COL19A1: variants seen among roughly 807,000 people sequenced by gnomAD.
The protein encoded by COL19A1 is collagen alpha-1(XIX) chain.
A neutral mutation model predicts 190.2 loss-of-function variants in COL19A1; 159 were observed. The observed-to-expected ratio is 0.84, with a 90% CI of 0.73 to 0.95. The LOEUF (loss-of-function observed/expected upper bound fraction) is 0.95, where lower values mean the gene tolerates loss of function less well. Among genes scored for constraint, COL19A1 ranks in the 40% least tolerant of loss-of-function variants. The pLI is 0.00. For missense variants in COL19A1, 1,418 were observed against 1,431.9 expected (o/e 0.99, Z 0.16); for synonymous variants, 509 against 458.9 (o/e 1.11, Z -1.39).
At chr6:69,885,632 C>T (rs892597606) in intron 2 of COL19A1, among the ~76,000 whole-genome samples, 2 of 152,158 alleles carry the variant, frequency 1.3e-5, no homozygotes, top group Admixed American at 1.3e-4. Flanking sequence ...TCTCCATTTC[C>T]TCCCTACCTC....
chr6:70,056,820 A>G (rs935555114), intron 14 of COL19A1, among the ~76,000 whole-genome samples: 1 of 152,122 alleles, frequency 6.6e-6, no homozygotes, highest in African/African-American at 2.4e-5. Context: ...TCTCCTCTTA[A>G]ACGTTTGATT....
Position 70,055,712 on chromosome 6 carries a change from G to T in COL19A1, c.1171-12711G>T, listed in dbSNP as rs140035489. 8.8e-4 allele frequency among the ~76,000 whole-genome samples: 132 copies of T among 150,584 alleles called. 1 individual carries two copies. Among genetic ancestry groups the T allele is most frequent in the African/African-American group, 3.1e-3 (128 of 40,812 alleles). On this transcript the variant is annotated intron_variant, in intron 14 of 50. Transcript: ENST00000620364. ...CAGGAGAATCACTTGAACTTGGGAG[G>T]CAGAAGTTGCACTGAGCCAAGATCG...
chr6:69,879,546 G>A lies in COL19A1; in HGVS notation c.-22G>A, dbSNP rs557419481. On this transcript the variant is annotated 5_prime_UTR_variant, in exon 2 of 51. Transcript: ENST00000620364. The stretch of plus-strand genomic sequence containing the variant: ...TTTTTTCTGTTGCAGATCCGTGGCC[G>A]TTCACATGGTTTCAAGGCACAATGA... 88 of 1,605,520 alleles carry A rather than the reference G, an allele frequency of 5.5e-5. 1 individual carries two copies. The South Asian group carries it at 6.7e-4, about 12-fold the overall frequency.
In COL19A1 at chr6:69,986,127, G is replaced by A. The variant is rs962637827; in HGVS notation, c.1026+23257G>A. ...AGTCAGGAAGAAAGCAAATTTTGCC[G>A]CTAATTACATTGTTTTTAGTTTCAA... is the stretch of plus-strand genomic sequence containing the variant. On this transcript the variant is annotated intron_variant, in intron 11 of 50. Transcript: ENST00000620364. Among the ~76,000 whole-genome samples, 7 of 151,160 alleles carry A rather than the reference G, an allele frequency of 4.6e-5. No individual in the cohort carries two copies. The East Asian group carries it at 5.8e-4, about 13-fold the overall frequency.
intron 15 of COL19A1, among the ~76,000 whole-genome samples, chr6:70,088,033 C>T (rs151166842): frequency 0.01 from 1,540 of 152,236 alleles, 10 homozygotes; most frequent in Non-Finnish European, 0.015. Context: ...CCACCTTCTA[C>T]GTGCCCCTAG....
chr6:70,206,229 C>A (rs2150311979), intron 49 of COL19A1, among the ~76,000 whole-genome samples: 1 of 152,348 alleles, frequency 6.6e-6, no homozygotes, highest in Middle Eastern at 3.4e-3. Context: ...ACCTTGCCTT[C>A]AATCAGAATT....
rs371113190 is a variant in COL19A1, at chr6:69,998,103, C to A, written c.1027-25524C>A. 3.7e-4 allele frequency among the ~76,000 whole-genome samples: 56 copies of A among 152,148 alleles called. No individual in the cohort carries two copies. The East Asian group carries it at 7.7e-3, about 21-fold the overall frequency. ...GCAAAAATAAAAAAGAGATTGTCAACTATGAATTCTGTCTTCAATGAAACT... is the reference window on the plus strand; with the variant it reads ...GCAAAAATAAAAAAGAGATTGTCAAATATGAATTCTGTCTTCAATGAAACT... On this transcript the variant is annotated intron_variant, in intron 11 of 50. Coordinates refer to ENST00000620364, the MANE Select transcript of COL19A1 (RefSeq NM_001858.6).
chr6:70,020,225 G>T lies in COL19A1; in HGVS notation c.1027-3402G>T, dbSNP rs545861967. On this transcript the variant is annotated intron_variant, in intron 11 of 50. Coordinates refer to ENST00000620364, the MANE Select transcript of COL19A1 (RefSeq NM_001858.6). Reference sequence around the variant, plus strand: ...TTGCAACGCAACACAAAATATCTTTGCATATTGATGTTAACTATTAAACCA... The same window carrying T: ...TTGCAACGCAACACAAAATATCTTTTCATATTGATGTTAACTATTAAACCA... Among the ~76,000 whole-genome samples the T allele has an allele frequency of 1.1e-4, 16 of 152,038 alleles. No homozygotes were observed. The South Asian group carries it at 3.3e-3, about 31-fold the overall frequency.
chr6:70,103,441 A>G (rs1013971407), intron 16 of COL19A1, among the ~76,000 whole-genome samples: 28 of 152,266 alleles, frequency 1.8e-4, no homozygotes, highest in African/African-American at 6.7e-4. Context: ...CTAAAAGCTT[A>G]AAACTATTTG....
chr6:70,176,371 C>A, intron 41 of COL19A1, 149 bp from the exon 42 acceptor site: 1 of 603,998 alleles, frequency 1.7e-6, no homozygotes, highest in Non-Finnish European at 2.6e-6. Flanking sequence ...TTTCCATCTA[C>A]ACACTAGCTT....
intron 16 of COL19A1, among the ~76,000 whole-genome samples, chr6:70,102,696 C>T (rs142101090): frequency 2.0e-5 from 3 of 151,996 alleles, no homozygotes; most frequent in East Asian, 1.9e-4. Flanking sequence ...AACCAGTTAG[C>T]TTATCTGGAT....
chr6:70,200,154 C>G (rs899925844), intron 49 of COL19A1, among the ~76,000 whole-genome samples: 2 of 152,098 alleles, frequency 1.3e-5, no homozygotes, highest in African/African-American at 4.8e-5. Flanking sequence ...TTAGGTGACT[C>G]AACGACAAAT....
chr6:69,901,679 A>G (rs1770200402), intron 4 of COL19A1, among the ~76,000 whole-genome samples: 1 of 152,234 alleles, frequency 6.6e-6, no homozygotes, highest in Non-Finnish European at 1.5e-5. Flanking sequence ...ACATGTATAT[A>G]TTTAGATGTT....
chr6:69,936,767 C>G lies in COL19A1; in HGVS notation c.748-18C>G. 6.2e-7 allele frequency: 1 copy of G among 1,611,434 alleles called. No homozygotes were observed. Among genetic ancestry groups the G allele is most frequent in the South Asian group, 1.1e-5 (1 of 90,838 alleles). On this transcript the variant is annotated intron_variant, in intron 7 of 50. Coordinates refer to ENST00000620364, the MANE Select transcript of COL19A1 (RefSeq NM_001858.6). ...TTGGAATTGACCCCATTTCCTAAAG[C>G]CTCTTTTTGGATTTTAGTGCCCAGA...
chr6:69,927,380 G>A (rs1772468461), intron 4 of COL19A1, among the ~76,000 whole-genome samples: 1 of 152,054 alleles, frequency 6.6e-6, no homozygotes, highest in African/African-American at 2.4e-5. Flanking sequence ...GCAAGAAAAA[G>A]CTAACAGGTA....
At position 70,132,259 on chromosome 6, in the gene COL19A1, A is replaced by G. The variant is rs555075574; in HGVS notation, c.1383+2036A>G. The stretch of plus-strand genomic sequence containing the variant: ...CAAAAATTAAAAATATTAGCTGGGC[A>G]TGCTGGCAAACACCTGTGGTCCCAG... On this transcript the variant is annotated intron_variant, in intron 18 of 50. Coordinates refer to ENST00000620364, the MANE Select transcript of COL19A1 (RefSeq NM_001858.6). Among the ~76,000 whole-genome samples the G allele has an allele frequency of 1.4e-3, 220 of 152,236 alleles. 1 individual carries two copies. Among genetic ancestry groups the G allele is most frequent in the African/African-American group, 5.1e-3 (211 of 41,570 alleles).
At chr6:69,921,376 T>G (rs1582404089) in intron 4 of COL19A1, among the ~76,000 whole-genome samples, 1 of 105,840 alleles carries the variant, frequency 9.4e-6, no homozygotes, top group East Asian at 2.4e-4. Flanking sequence ...ATCATATATA[T>G]CATATATATC....
At chr6:70,046,201 C>G (rs905903497) in intron 14 of COL19A1, among the ~76,000 whole-genome samples, 1 of 152,156 alleles carries the variant, frequency 6.6e-6, no homozygotes, top group African/African-American at 2.4e-5. Flanking sequence ...ATTCTCACAC[C>G]TCTGCTATTA....
At position 69,921,395 on chromosome 6, in the gene COL19A1, C is replaced by CATATATCAT. The variant is rs1554166192; in HGVS notation, c.267-6500_267-6492dup. Among the ~76,000 whole-genome samples the CATATATCAT allele has an allele frequency of 4.3e-3, 346 of 80,316 alleles. 10 individuals carry two copies. Among genetic ancestry groups the CATATATCAT allele is most frequent in the East Asian group, 0.036 (111 of 3,044 alleles). The allele number at this position is 80,316 out of a possible 152,430, so 52.7% of individuals were successfully genotyped here. A position where few individuals can be genotyped will look rare whatever the true frequency, so the allele number is the denominator to read the frequency against. The stretch of plus-strand genomic sequence containing the variant: ...TATATATCATATATATCATATATAT[C>CATATATCAT]ATATATCATATATATCATATATCAT... On this transcript the variant is annotated intron_variant, in intron 4 of 50. Transcript: ENST00000620364.
Sources: gnomAD v4.1 joint callset for allele counts (sites outside exome capture counted in the v4.1 genomes callset) on GRCh38, gnomAD v4.1.1 for gene constraint, MANE v1.5 for transcripts, NCBI Gene and HGNC (gene_info 2026-07-23, HGNC 2026-07-21) for gene names.